The following SUCLG2 variants were observed in gnomAD, a reference collection of about 807,000 sequenced individuals.
The protein encoded by SUCLG2 is succinate-CoA ligase GDP-forming subunit beta.
Under a neutral mutation model 47.9 loss-of-function variants are expected in SUCLG2, and 42 were observed. That is an observed-to-expected ratio of 0.88 (90% confidence interval 0.69 to 1.14). The LOEUF is 1.14. Among genes scored for constraint, SUCLG2 ranks in the 50% most tolerant of loss-of-function variants. The probability of loss-of-function intolerance (pLI) is 0.00; values close to 1 mark genes in which losing one functional copy is unlikely to be tolerated. For synonymous variants in SUCLG2, 195 were observed against 197.3 expected (o/e 0.99, Z 0.10); for missense variants, 571 against 525.9 (o/e 1.09, Z -0.84).
intron 2 of SUCLG2, among the ~76,000 whole-genome samples, chr3:67,589,290 A>G (rs1342844486): frequency 2.0e-5 from 3 of 152,132 alleles, no homozygotes; most frequent in Non-Finnish European, 2.9e-5. Context: ...ACTTGAGAAC[A>G]TTATATTGTA....
chr3:67,361,175 A>T (rs1166855580), intron 10 of SUCLG2, among the ~76,000 whole-genome samples: 4 of 152,158 alleles, frequency 2.6e-5, no homozygotes, highest in Non-Finnish European at 5.9e-5. Context: ...CGGAAAAAAA[A>T]AAAAATCACT....
At chr3:67,408,754 C>A in intron 9 of SUCLG2, 2 of 1,329,138 alleles carry the variant, frequency 1.5e-6, no homozygotes, top group South Asian at 2.3e-5. Context: ...GTTAATTTTC[C>A]TAGGTGCTAA....
At chr3:67,500,689 C>G (rs1031562004) in intron 7 of SUCLG2, among the ~76,000 whole-genome samples, 1 of 152,120 alleles carries the variant, frequency 6.6e-6, no homozygotes, top group Non-Finnish European at 1.5e-5. Flanking sequence ...TAAATGCATT[C>G]TAATTAATTT....
intron 2 of SUCLG2, among the ~76,000 whole-genome samples, chr3:67,573,175 G>C (rs1272977042): frequency 6.6e-6 from 1 of 152,064 alleles, no homozygotes; most frequent in Non-Finnish European, 1.5e-5. Context: ...TAAATAAATG[G>C]AGAGCTATTC....
At chr3:67,592,298 T>C (rs748363651) in intron 2 of SUCLG2, among the ~76,000 whole-genome samples, 3 of 152,198 alleles carry the variant, frequency 2.0e-5, no homozygotes, top group Non-Finnish European at 4.4e-5. Context: ...TCTGTGTTCA[T>C]CATTATCACA....
chr3:67,540,198 C>G (rs1305029429), intron 2 of SUCLG2, among the ~76,000 whole-genome samples: 3 of 151,822 alleles, frequency 2.0e-5, no homozygotes, highest in Admixed American at 2.0e-4. Flanking sequence ...GCATTTAGTG[C>G]TATAAATTTC....
chr3:67,399,457 G>C (rs1320165031), intron 10 of SUCLG2, among the ~76,000 whole-genome samples: 1 of 152,200 alleles, frequency 6.6e-6, no homozygotes, highest in Non-Finnish European at 1.5e-5. Flanking sequence ...AGTGAAGTGA[G>C]TCTGTCCCAT....
intron 9 of SUCLG2, among the ~76,000 whole-genome samples, chr3:67,463,346 G>C (rs984646717): frequency 6.6e-6 from 1 of 152,150 alleles, no homozygotes; most frequent in Non-Finnish European, 1.5e-5. Flanking sequence ...AGCAGGGTGG[G>C]GCACTGATGG....
At chr3:67,582,171 A>C (rs902416401) in intron 2 of SUCLG2, among the ~76,000 whole-genome samples, 7 of 151,946 alleles carry the variant, frequency 4.6e-5, no homozygotes, top group Admixed American at 3.9e-4. Context: ...ATACAGGTAA[A>C]TTTCATGTCT....
chr3:67,524,427 T>C (rs1706200230), intron 4 of SUCLG2, among the ~76,000 whole-genome samples: 1 of 152,212 alleles, frequency 6.6e-6, no homozygotes, highest in East Asian at 1.9e-4. Flanking sequence ...TAAAAGTACA[T>C]TCTCGAATTT....
intron 1 of SUCLG2, among the ~76,000 whole-genome samples, chr3:67,640,178 A>AT (rs1354095333): frequency 6.6e-6 from 1 of 152,222 alleles, no homozygotes; most frequent in Non-Finnish European, 1.5e-5. Flanking sequence ...ATTCAGCACT[A>AT]TGTGACTCAC....
intron 2 of SUCLG2, among the ~76,000 whole-genome samples, chr3:67,603,197 T>C (rs1463314310): frequency 6.6e-6 from 1 of 152,238 alleles, no homozygotes; most frequent in Non-Finnish European, 1.5e-5. Context: ...TCCTTGTCTG[T>C]CATTATAAGA....
chr3:67,398,949 C>G (rs1370007737), intron 10 of SUCLG2, among the ~76,000 whole-genome samples: 2 of 143,196 alleles, frequency 1.4e-5, no homozygotes, highest in Non-Finnish European at 3.0e-5. Flanking sequence ...CATGTTGTCA[C>G]TCATAGGTGG....
chr3:67,459,872 A>G (rs1704283299), intron 9 of SUCLG2, among the ~76,000 whole-genome samples: 1 of 152,146 alleles, frequency 6.6e-6, no homozygotes, highest in South Asian at 2.1e-4. Context: ...TCTCAGTCTA[A>G]GAGGGCTGCT....
chr3:67,638,393 C>T (rs1701042431), intron 1 of SUCLG2, among the ~76,000 whole-genome samples: 1 of 152,128 alleles, frequency 6.6e-6, no homozygotes, highest in Admixed American at 6.5e-5. Context: ...CAACACATTT[C>T]CAGATTGTAG....
At position 67,654,557 on chromosome 3, in the gene SUCLG2, C is replaced by A; in HGVS notation, c.30G>T (p.Gly10=). 1 of 1,272,464 alleles carries A rather than the reference C, an allele frequency of 7.9e-7. No homozygotes were observed. Among genetic ancestry groups the A allele is most frequent in the Non-Finnish European group, 9.9e-7 (1 of 1,006,624 alleles). The allele number at this position is 1,272,464 out of a possible 1,614,324, so 78.8% of individuals were successfully genotyped here. A position where few individuals can be genotyped will look rare whatever the true frequency, so the allele number is the denominator to read the frequency against. Residue 10 remains glycine, a synonymous_variant, in exon 1 of 11, where the codon GGG becomes GGT. Coordinates refer to ENST00000307227, the MANE Select transcript of SUCLG2 (RefSeq NM_003848.4). ...GCAGCGCTAGGGCTCGCAGAAGCTT[C>A]CCGGCCTGCGCTGCTACGGGGGACG... The part of the protein sequence containing the change: MASPVAAQA[G]KLLRALALRP...
chr3:67,605,089 T>C lies in SUCLG2; in HGVS notation c.226+4366A>G, dbSNP rs150886853. Among the ~76,000 whole-genome samples the C allele has an allele frequency of 1.5e-3, 226 of 152,274 alleles. 3 individuals carry two copies. The highest frequency in any genetic ancestry group is 5.0e-3 in the African/African-American group (207 of 41,558). On this transcript the variant is annotated intron_variant, in intron 2 of 10. Coordinates refer to ENST00000307227, the MANE Select transcript of SUCLG2 (RefSeq NM_003848.4). ...GATGATGCTGATAGCAATAAAATCT[T>C]ATATAGAACTTTCTCAGTGTTAGAC...
chr3:67,486,791 A>G (rs1188882595), intron 9 of SUCLG2, among the ~76,000 whole-genome samples: 1 of 152,182 alleles, frequency 6.6e-6, no homozygotes, highest in Non-Finnish European at 1.5e-5. Context: ...AGACTGCAAA[A>G]GGACACGTTT....
intron 2 of SUCLG2, among the ~76,000 whole-genome samples, chr3:67,577,287 G>A (rs1707766805): frequency 2.1e-5 from 3 of 145,622 alleles, no homozygotes. Context: ...CAGCCTTGGT[G>A]ACAGAGACAG....
Sources: allele counts gnomAD v4.1 joint callset (sites outside exome capture counted in the v4.1 genomes callset), GRCh38; gene constraint gnomAD v4.1.1; transcripts MANE v1.5; gene names NCBI Gene and HGNC (gene_info 2026-07-23, HGNC 2026-07-21).